Variants in CORO2A observed in about 807,000 individuals in gnomAD.
CORO2A encodes coronin 2A.
A neutral mutation model predicts 62.4 loss-of-function variants in CORO2A; 47 were observed. That is an observed-to-expected ratio of 0.75 (90% CI 0.60 to 0.96). CORO2A has a LOEUF of 0.96. CORO2A is among the 40% of genes least tolerant of loss of function. The pLI is 0.00. For missense variants in CORO2A, 610 were observed against 684.1 expected, an observed-to-expected ratio of 0.89 and a Z score of 1.21; for synonymous variants, 273 against 268.9, an observed-to-expected ratio of 1.02 and a Z score of -0.15.
At chr9:98,173,545 G>GT (rs1828067495) in intron 1 of CORO2A, among the ~76,000 whole-genome samples, 1 of 141,554 alleles carries the variant, frequency 7.1e-6, no homozygotes, top group Non-Finnish European at 1.6e-5. Context: ...GCTTTCTTAA[G>GT]TCTCTTCTCA....
At chr9:98,150,890 T>A (rs2118858102) in intron 2 of CORO2A, among the ~76,000 whole-genome samples, 1 of 152,312 alleles carries the variant, frequency 6.6e-6, no homozygotes, top group African/African-American at 2.4e-5. Context: ...TCTCTCTCTC[T>A]TTAGGATACA....
chr9:98,155,781 T>C (rs1168659094), intron 2 of CORO2A, among the ~76,000 whole-genome samples: 1 of 152,252 alleles, frequency 6.6e-6, no homozygotes, highest in African/African-American at 2.4e-5. Flanking sequence ...CTCAAATTTA[T>C]TGGCATACAG....
intron 1 of CORO2A, among the ~76,000 whole-genome samples, chr9:98,176,636 G>A (rs1439765437): frequency 6.6e-6 from 1 of 152,140 alleles, no homozygotes; most frequent in Admixed American, 6.5e-5. Flanking sequence ...GGTTTCCCAT[G>A]TCCTCCCCAT....
chr9:98,132,366 G>A, intron 5 of CORO2A, 65 bp from the exon 6 acceptor site: 1 of 1,371,764 alleles, frequency 7.3e-7, no homozygotes, highest in South Asian at 1.2e-5. Flanking sequence ...TGGGGTTTCT[G>A]GCCTCCCTGC....
At chr9:98,179,862 G>C (rs1002134979) in intron 1 of CORO2A, among the ~76,000 whole-genome samples, 1 of 152,084 alleles carries the variant, frequency 6.6e-6, no homozygotes, top group African/African-American at 2.4e-5. Flanking sequence ...AATTAGCCAG[G>C]TGCGGTGGCA....
rs182056700 is a variant in CORO2A, at chr9:98,184,499, C to T, written c.-1+8060G>A. ...ACAGTCTCATTCCACACATACTACT[C>T]TTTCTCTTACCGTGACATGGTGGCC... On this transcript the variant is annotated intron_variant, in intron 1 of 11. Coordinates refer to ENST00000375077, the MANE Select transcript of CORO2A (RefSeq NM_052820.4). Among the ~76,000 whole-genome samples, 116 of 152,326 alleles carry T rather than the reference C, an allele frequency of 7.6e-4. 1 individual carries two copies. In the East Asian group the frequency reaches 0.016, roughly 21 times the overall value.
At chr9:98,167,515 C>T (rs1182561479) in intron 1 of CORO2A, among the ~76,000 whole-genome samples, 1 of 151,962 alleles carries the variant, frequency 6.6e-6, no homozygotes, top group Non-Finnish European at 1.5e-5. Flanking sequence ...TTAAAAGATC[C>T]GGTTTCTTTA....
At chr9:98,159,481 A>ACGGCACCTTCCAGCTTCCC (rs1362497339) in intron 1 of CORO2A, among the ~76,000 whole-genome samples, 3 of 151,532 alleles carry the variant, frequency 2.0e-5, no homozygotes, top group Non-Finnish European at 2.9e-5. Context: ...GCTCATCTAA[A>ACGGCACCTTCCAGCTTCCC]CGGCACCTTC....
intron 1 of CORO2A, among the ~76,000 whole-genome samples, chr9:98,185,432 C>A (rs1828226676): frequency 6.6e-6 from 1 of 152,246 alleles, no homozygotes; most frequent in African/African-American, 2.4e-5. Context: ...TCAAGACTTG[C>A]CTAAGGAGCA....
At chr9:98,131,293 C>T (rs1388873771) in intron 6 of CORO2A, among the ~76,000 whole-genome samples, 1 of 151,648 alleles carries the variant, frequency 6.6e-6, no homozygotes, top group African/African-American at 2.4e-5. Context: ...AATGCTGCTG[C>T]CACCTATTTT....
At chr9:98,182,849 C>G (rs749846242) in intron 1 of CORO2A, among the ~76,000 whole-genome samples, 2 of 152,228 alleles carry the variant, frequency 1.3e-5, no homozygotes, top group Non-Finnish European at 2.9e-5. Flanking sequence ...ATCTCTGAAA[C>G]TGGGATGCAA....
At chr9:98,130,833 A>C in intron 7 of CORO2A, 122 bp downstream of exon 7, 4 of 756,580 alleles carry the variant, frequency 5.3e-6, no homozygotes, top group Non-Finnish European at 6.5e-6. Flanking sequence ...GTTCCTTCTC[A>C]CAGGGAAAGA....
At chr9:98,156,590 T>C (rs188790843) in intron 2 of CORO2A, among the ~76,000 whole-genome samples, 87 of 152,380 alleles carry the variant, frequency 5.7e-4, no homozygotes, top group African/African-American at 1.3e-3. Flanking sequence ...TCTTTTGTTA[T>C]TGATTTCTAA....
At chr9:98,164,926 G>A (rs1393672370) in intron 1 of CORO2A, among the ~76,000 whole-genome samples, 1 of 142,410 alleles carries the variant, frequency 7.0e-6, no homozygotes. Context: ...GGGATAAGTT[G>A]GTCACTCTCC....
At chr9:98,151,540 A>T (rs1160508483) in intron 2 of CORO2A, among the ~76,000 whole-genome samples, 1 of 152,302 alleles carries the variant, frequency 6.6e-6, no homozygotes, top group Admixed American at 6.5e-5. Context: ...TACCTTCCAA[A>T]TACTCTTATT....
At chr9:98,135,999 C>T (rs1286278449) in intron 3 of CORO2A, among the ~76,000 whole-genome samples, 3 of 152,184 alleles carry the variant, frequency 2.0e-5, no homozygotes, top group African/African-American at 7.2e-5. Context: ...CCGTGCCCTC[C>T]AGGCCCTGAA....
At chr9:98,126,918 A>C in intron 10 of CORO2A, 95 bp from the exon 11 acceptor site, 3 of 1,340,682 alleles carry the variant, frequency 2.2e-6, no homozygotes, top group Non-Finnish European at 3.2e-6. Flanking sequence ...AGAGACACTC[A>C]GAGCCATGCA....
chr9:98,130,561 AACATT>A (rs1054859877), intron 7 of CORO2A, among the ~76,000 whole-genome samples: 5 of 152,220 alleles, frequency 3.3e-5, no homozygotes, highest in African/African-American at 1.2e-4. Flanking sequence ...TACCATGGGG[AACATT>A]TCTGGTTGTC....
intron 1 of CORO2A, among the ~76,000 whole-genome samples, chr9:98,186,778 A>G (rs1349817781): frequency 6.6e-6 from 1 of 152,142 alleles, no homozygotes; most frequent in Non-Finnish European, 1.5e-5. Context: ...AGAAGTGCTA[A>G]TAAGTGTTTG....
Sources: allele counts gnomAD v4.1 joint callset (sites outside exome capture counted in the v4.1 genomes callset), GRCh38; gene constraint gnomAD v4.1.1; transcripts MANE v1.5; gene names NCBI Gene and HGNC (gene_info 2026-07-23, HGNC 2026-07-21).